LRRC4C: variants seen among roughly 807,000 people sequenced by gnomAD.
The protein encoded by LRRC4C is leucine-rich repeat-containing protein 4C.
In LRRC4C, 5 loss-of-function variants were observed where a neutral mutation model predicts 33.6. The observed-to-expected ratio is 0.15, with a 90% CI of 0.08 to 0.31. LRRC4C has a LOEUF of 0.31. Ranked by LOEUF, LRRC4C falls within the 10% of genes least tolerant of loss-of-function variation. The pLI, the probability that LRRC4C is intolerant of heterozygous loss-of-function variation, is 1.00. For synonymous variants in LRRC4C, 329 were observed against 302.0 expected, an observed-to-expected ratio of 1.09 and a Z score of -0.93; for missense variants, 560 against 796.7, an observed-to-expected ratio of 0.70 and a Z score of 3.58.
chr11:41,081,554 CA>C (rs1291518522), intron 1 of LRRC4C, among the ~76,000 whole-genome samples: 13 of 152,070 alleles, frequency 8.5e-5, no homozygotes, highest in Non-Finnish European at 1.8e-4. Context: ...ATGTTAAGAA[CA>C]ACCTTGGTTT....
intron 1 of LRRC4C, among the ~76,000 whole-genome samples, chr11:41,240,626 GT>G (rs1297319117): frequency 2.6e-5 from 4 of 152,124 alleles, no homozygotes; most frequent in Non-Finnish European, 5.9e-5. Context: ...CTAAGCCACC[GT>G]TTTGCATAAG....
chr11:40,422,947 T>A (rs1950571861), intron 3 of LRRC4C, among the ~76,000 whole-genome samples: 1 of 150,264 alleles, frequency 6.7e-6, no homozygotes, highest in Non-Finnish European at 1.5e-5. Flanking sequence ...AAATTTAAAT[T>A]AAATAAATAG....
intron 3 of LRRC4C, among the ~76,000 whole-genome samples, chr11:40,417,562 A>T (rs1419803735): frequency 6.6e-6 from 1 of 151,616 alleles, no homozygotes; most frequent in African/African-American, 2.4e-5. Flanking sequence ...GGCTCAAGTG[A>T]TCTGCCCACC....
chr11:41,098,895 G>A (rs910634158), intron 1 of LRRC4C, among the ~76,000 whole-genome samples: 3 of 151,972 alleles, frequency 2.0e-5, no homozygotes, highest in Non-Finnish European at 2.9e-5. Flanking sequence ...AATGAATGTA[G>A]GAGATGGTTT....
At chr11:40,352,116 TTCCTTCCTTC>T (rs1565303405) in intron 3 of LRRC4C, among the ~76,000 whole-genome samples, 1,750 of 66,846 alleles carry the variant, frequency 0.026, 35 homozygotes, top group East Asian at 0.071. Flanking sequence ...TCTTTCTTCC[TTCCTTCCTTC>T]CTTCCTTCCT....
At chr11:41,222,440 A>G (rs1947348755) in intron 1 of LRRC4C, among the ~76,000 whole-genome samples, 1 of 152,220 alleles carries the variant, frequency 6.6e-6, no homozygotes, top group Non-Finnish European at 1.5e-5. Flanking sequence ...TACTCAAGTC[A>G]GACATCTGAT....
At chr11:41,059,157 A>G (rs1017545747) in intron 1 of LRRC4C, among the ~76,000 whole-genome samples, 1 of 150,788 alleles carries the variant, frequency 6.6e-6, no homozygotes, top group African/African-American at 2.4e-5. Context: ...CTAATGACAT[A>G]AAATTTGCCT....
At chr11:40,939,783 T>A (rs1202148047) in intron 1 of LRRC4C, among the ~76,000 whole-genome samples, 1 of 152,184 alleles carries the variant, frequency 6.6e-6, no homozygotes, top group East Asian at 1.9e-4. Context: ...GTATACAGTG[T>A]GTTGCAGAAA....
At chr11:41,161,283 T>C (rs1194729377) in intron 1 of LRRC4C, among the ~76,000 whole-genome samples, 2 of 152,184 alleles carry the variant, frequency 1.3e-5, no homozygotes, top group Admixed American at 6.6e-5. Flanking sequence ...TGAGAAATCC[T>C]ATGTCAAAGA....
At chr11:41,041,238 T>TG in intron 1 of LRRC4C, among the ~76,000 whole-genome samples, 1 of 152,082 alleles carries the variant, frequency 6.6e-6, no homozygotes, top group Non-Finnish European at 1.5e-5. Context: ...TTATAGTTAC[T>TG]GGTCCCAAGT....
At position 40,677,009 on chromosome 11, in the gene LRRC4C, T is replaced by C. The variant is rs75704664; in HGVS notation, c.-406-28731A>G. ...CATTCCTGCCCAGCAGATATGATCATTGTGGTTAATCCATGACTCCCCCTG... is the reference window on the plus strand; with the variant it reads ...CATTCCTGCCCAGCAGATATGATCACTGTGGTTAATCCATGACTCCCCCTG... On this transcript the variant is annotated intron_variant, in intron 2 of 6. Transcript: ENST00000528697. Among the ~76,000 whole-genome samples the C allele has an allele frequency of 9.8e-3, 1,490 of 152,254 alleles. 25 individuals carry two copies. Among genetic ancestry groups the C allele is most frequent in the African/African-American group, 0.033 (1,383 of 41,542 alleles).
At chr11:41,373,282 A>C (rs1952820466) in intron 1 of LRRC4C, among the ~76,000 whole-genome samples, 1 of 152,144 alleles carries the variant, frequency 6.6e-6, no homozygotes, top group Non-Finnish European at 1.5e-5. Flanking sequence ...CAATATTTTT[A>C]AAATAACTAC....
rs60819815 is a variant in LRRC4C, at chr11:41,120,359, T to C, written c.-495-186636A>G. ...ATTTGTCATTGTGCAGGGTACTTTTTTGTTTGTTCTTTCACATTCACTCTC... is the reference window on the plus strand; with the variant it reads ...ATTTGTCATTGTGCAGGGTACTTTTCTGTTTGTTCTTTCACATTCACTCTC... On this transcript the variant is annotated intron_variant, in intron 1 of 6. Transcript: ENST00000528697. 6.8e-3 allele frequency among the ~76,000 whole-genome samples: 1,032 copies of C among 152,302 alleles called. 11 individuals carry two copies. Among genetic ancestry groups the C allele is most frequent in the African/African-American group, 0.023 (954 of 41,570 alleles).
intron 2 of LRRC4C, among the ~76,000 whole-genome samples, chr11:40,694,377 A>C (rs954762943): frequency 2.0e-5 from 3 of 152,138 alleles, no homozygotes; most frequent in Non-Finnish European, 4.4e-5. Flanking sequence ...CTCTGTGGAA[A>C]TCATCTGGCA....
intron 5 of LRRC4C, among the ~76,000 whole-genome samples, chr11:40,189,306 G>A (rs780999355): frequency 5.9e-5 from 9 of 151,962 alleles, no homozygotes; most frequent in Non-Finnish European, 1.0e-4. Flanking sequence ...TTACAAATTG[G>A]ATTTTAAACA....
intron 2 of LRRC4C, among the ~76,000 whole-genome samples, chr11:40,734,655 C>T (rs1486179299): frequency 6.6e-6 from 1 of 152,104 alleles, no homozygotes; most frequent in Non-Finnish European, 1.5e-5. Flanking sequence ...CTAATTATGA[C>T]TAACCGGGAG....
At chr11:40,802,000 C>T (rs1260223668) in intron 2 of LRRC4C, among the ~76,000 whole-genome samples, 1 of 152,198 alleles carries the variant, frequency 6.6e-6, no homozygotes, top group Non-Finnish European at 1.5e-5. Flanking sequence ...ACAGACTACA[C>T]ATCCACCAGG....
intron 1 of LRRC4C, among the ~76,000 whole-genome samples, chr11:41,440,394 C>T (rs1023822): frequency 0.11 from 16,027 of 152,050 alleles, 1,147 homozygotes; most frequent in Non-Finnish European, 0.15. Flanking sequence ...TAAAAAGAAA[C>T]AGATTCCAGA....
chr11:40,136,916 A>G (rs750582630), intron 6 of LRRC4C, among the ~76,000 whole-genome samples: 1 of 152,342 alleles, frequency 6.6e-6, no homozygotes, highest in Middle Eastern at 3.4e-3. Context: ...TAGCACTCAC[A>G]AAATGGACAC....
Sources: allele counts gnomAD v4.1 joint callset (sites outside exome capture counted in the v4.1 genomes callset), GRCh38; gene constraint gnomAD v4.1.1; transcripts MANE v1.5; gene names NCBI Gene and HGNC (gene_info 2026-07-23, HGNC 2026-07-21).